The following NR2E1 variants were observed in gnomAD, a reference collection of about 807,000 sequenced individuals.
NR2E1 encodes nuclear receptor TLX.
A neutral mutation model predicts 43.6 loss-of-function variants in NR2E1; 5 were observed. That is an observed-to-expected ratio of 0.11 (90% CI 0.06 to 0.24). The LOEUF is 0.24. NR2E1 is among the 10% of genes least tolerant of loss of function. NR2E1 has a pLI of 1.00. For synonymous variants in NR2E1, 191 were observed against 195.5 expected (o/e 0.98, Z 0.19); for missense variants, 287 against 496.7 (o/e 0.58, Z 4.01).
chr6:108,174,693 C>CG, intron 2 of NR2E1, 143 bp from the exon 3 acceptor site: 1 of 682,372 alleles, frequency 1.5e-6, no homozygotes, highest in Non-Finnish European at 2.6e-6. Context: ...AAGGCCCTCG[C>CG]GTTTTGCAGG....
At position 108,171,652 on chromosome 6, in the gene NR2E1, A is replaced by T. The variant is rs751838676; in HGVS notation, c.171+49A>T. The T allele has an allele frequency of 8.1e-6, 13 of 1,610,172 alleles. No individual in the cohort carries two copies. In the South Asian group the frequency reaches 1.4e-4, roughly 18 times the overall value. The stretch of plus-strand genomic sequence containing the variant: ...CTGGGCTCCGCTCTGCTGCCTCCTC[A>T]CTCTTTTGTTTGTGCCAAGGCCTCC... On this transcript the variant is annotated intron_variant, in intron 2 of 8. Transcript: ENST00000368986.
At chr6:108,183,216 T>C (rs1233839073) in intron 8 of NR2E1, among the ~76,000 whole-genome samples, 7 of 151,760 alleles carry the variant, frequency 4.6e-5, no homozygotes, top group Admixed American at 2.0e-4. Flanking sequence ...AAGTATAGAC[T>C]GGGGGCTGAG....
At chr6:108,185,661 A>G (rs751893823) in intron 8 of NR2E1, among the ~76,000 whole-genome samples, 1 of 152,132 alleles carries the variant, frequency 6.6e-6, no homozygotes, top group Non-Finnish European at 1.5e-5. Context: ...AAGTGCTGGG[A>G]TTACAGGTAT....
chr6:108,185,409 TAC>T lies in NR2E1; in HGVS notation c.996-1870_996-1869del, dbSNP rs3040212. 1.4e-3 allele frequency among the ~76,000 whole-genome samples: 203 copies of T among 146,754 alleles called. 1 individual carries two copies. Among genetic ancestry groups the T allele is most frequent in the Admixed American group, 3.1e-3 (45 of 14,374 alleles). The stretch of plus-strand genomic sequence containing the variant: ...ACACACACACACACGCACACACACA[TAC>T]ACACACACACACACACACACATTGT... On this transcript the variant is annotated intron_variant, in intron 8 of 8. Transcript: ENST00000368986.
At chr6:108,175,395 C>T (rs1014906915) in intron 3 of NR2E1, among the ~76,000 whole-genome samples, 2 of 152,240 alleles carry the variant, frequency 1.3e-5, no homozygotes, top group Non-Finnish European at 2.9e-5. Context: ...GAATTTCCAG[C>T]CCGTGTGCAA....
At position 108,169,355 on chromosome 6, in the gene NR2E1, C is replaced by T. The variant is rs1773766598; in HGVS notation, c.26-2103C>T. On this transcript the variant is annotated intron_variant, in intron 1 of 8. Coordinates refer to ENST00000368986, the MANE Select transcript of NR2E1 (RefSeq NM_003269.5). The surrounding 1 kb of genome is among the most constrained non-coding windows in gnomAD (Gnocchi z 6.1). ...AATCCGAGGAGGGGCCCCCACCCTG[C>T]ACTGGTCTTCCCTCCACCCTCATCG... Among the ~76,000 whole-genome samples, 2 of 152,220 alleles carry T rather than the reference C, an allele frequency of 1.3e-5. No homozygotes were observed. Among genetic ancestry groups the T allele is most frequent in the African/African-American group, 2.4e-5 (1 of 41,458 alleles).
In NR2E1 at chr6:108,169,259, A is replaced by T. The variant is rs1773764939; in HGVS notation, c.26-2199A>T. Among the ~76,000 whole-genome samples, 1 of 152,132 alleles carries T rather than the reference A, an allele frequency of 6.6e-6. No individual in the cohort carries two copies. The highest frequency in any genetic ancestry group is 2.4e-5 in the African/African-American group (1 of 41,436). ...ATCTGCCCCGGGAGCCGCGGCTCAG[A>T]GGTCTGCTCAGAGGCAGGACTCGCA... On this transcript the variant is annotated intron_variant, in intron 1 of 8. Coordinates refer to ENST00000368986, the MANE Select transcript of NR2E1 (RefSeq NM_003269.5). The surrounding 1 kb of genome is among the most constrained non-coding windows in gnomAD (Gnocchi z 6.1).
intron 2 of NR2E1, among the ~76,000 whole-genome samples, chr6:108,174,555 C>A (rs866913823): frequency 8.5e-5 from 13 of 152,222 alleles, no homozygotes; most frequent in Admixed American, 3.3e-4. Flanking sequence ...CCAAACCCGG[C>A]TCTCTAAGCT....
chr6:108,187,254 A>C (rs1310192345), intron 8 of NR2E1, 47 bp from the exon 9 acceptor site: 1 of 1,609,016 alleles, frequency 6.2e-7, no homozygotes, highest in African/African-American at 1.3e-5. Flanking sequence ...GTTAGTTTCC[A>C]TAAGTAATGG....
At chr6:108,176,264 G>T (rs1439351445) in intron 3 of NR2E1, 1 of 587,394 alleles carries the variant, frequency 1.7e-6, no homozygotes, top group East Asian at 2.8e-5. Context: ...TGCCATTATC[G>T]TGGCACTTTG....
intron 8 of NR2E1, 59 bp from the exon 9 acceptor site, chr6:108,187,237 GTAAGA>G: frequency 6.4e-7 from 1 of 1,557,498 alleles, no homozygotes; most frequent in Non-Finnish European, 8.9e-7. Context: ...GTGTTCAAGT[GTAAGA>G]CGTTAGTTTC....
Position 108,166,672 on chromosome 6 carries a change from C to CGGCTGG in NR2E1, c.-94_-93insGGCTGG. 9.4e-7 allele frequency: 1 copy of CGGCTGG among 1,063,134 alleles called. No homozygotes were observed. 65.9% of individuals were successfully genotyped at this position (1,063,134 alleles called of 1,614,324 possible). ...CCCAGGAGCCTTGCAGGCTGGAGGG[C>CGGCTGG]AGCTGGAGAGCGGCGGCGCCCGGCG... On this transcript the variant is annotated 5_prime_UTR_variant, in exon 1 of 9. Transcript: ENST00000368986. This position sits in a 1 kb window ranked among gnomAD's most constrained non-coding sequence, Gnocchi z 7.2.
rs374145429 is a variant in NR2E1, at chr6:108,176,791, C to T, written c.495+53C>T. The T allele has an allele frequency of 8.8e-6, 13 of 1,480,154 alleles. No individual in the cohort carries two copies. The East Asian group carries it at 2.0e-4, about 22-fold the overall frequency. 91.7% of individuals were successfully genotyped at this position (1,480,154 alleles called of 1,614,324 possible). On this transcript the variant is annotated intron_variant, in intron 4 of 8. Transcript: ENST00000368986. ...ACTCGTGCCAGCGAATGGAGAGGGA[C>T]GCACCCAGTTCTTCTGAGCTGTGTG...
In NR2E1 at chr6:108,169,839, C is replaced by T. The variant is rs1007039209; in HGVS notation, c.26-1619C>T. ...GCGCGCCTCCCCTGCCCGCCTTTGTCGCCGTCCGAATTCCCATGCTACTCT... is the reference window on the plus strand; with the variant it reads ...GCGCGCCTCCCCTGCCCGCCTTTGTTGCCGTCCGAATTCCCATGCTACTCT... On this transcript the variant is annotated intron_variant, in intron 1 of 8. Transcript: ENST00000368986. This position sits in a 1 kb window ranked among gnomAD's most constrained non-coding sequence, Gnocchi z 6.1. 6.6e-6 allele frequency among the ~76,000 whole-genome samples: 1 copy of T among 152,136 alleles called. No individual in the cohort carries two copies. Among genetic ancestry groups the T allele is most frequent in the Admixed American group, 6.5e-5 (1 of 15,276 alleles).
chr6:108,167,025 A>T (rs771478549), intron 1 of NR2E1, among the ~76,000 whole-genome samples: 7 of 151,906 alleles, frequency 4.6e-5, no homozygotes, highest in Non-Finnish European at 1.0e-4. Context: ...GTGCGGTGAG[A>T]AGGTTACGAC....
intron 4 of NR2E1, among the ~76,000 whole-genome samples, chr6:108,177,141 A>T (rs1030343820): frequency 6.6e-6 from 1 of 152,168 alleles, no homozygotes; most frequent in Non-Finnish European, 1.5e-5. Context: ...TCATTTTTAG[A>T]GGAGAGGAAT....
At chr6:108,171,372 C>G in intron 1 of NR2E1, 86 bp from the exon 2 acceptor site, 4 of 1,404,586 alleles carry the variant, frequency 2.8e-6, no homozygotes, top group Middle Eastern at 2.1e-4. Flanking sequence ...TAGCATCTCT[C>G]TCTCCCTCTC....
chr6:108,175,018 C>G (rs188821257), intron 3 of NR2E1, 95 bp downstream of exon 3: 1 of 1,166,430 alleles, frequency 8.6e-7, no homozygotes, highest in African/African-American at 1.5e-5. Context: ...GTAAATCAAC[C>G]CCGGAGCGCT....
chr6:108,187,540 C>A lies in NR2E1; in HGVS notation c.*77C>A. 1.3e-6 allele frequency: 2 copies of A among 1,492,188 alleles called. No individual in the cohort carries two copies. Among genetic ancestry groups the A allele is most frequent in the Non-Finnish European group, 1.9e-6 (2 of 1,073,200 alleles). 92.4% of individuals were successfully genotyped at this position (1,492,188 alleles called of 1,614,324 possible). On this transcript the variant is annotated 3_prime_UTR_variant, in exon 9 of 9. Transcript: ENST00000368986. ...CCCATGGAGAACAAGCCTCAACTAA[C>A]AAACCCTTCAGGAAGCATATACCGG...
Sources: gnomAD v4.1 joint callset for allele counts (sites outside exome capture counted in the v4.1 genomes callset) on GRCh38, gnomAD v4.1.1 for gene constraint, Gnocchi (gnomAD v3.1) non-coding constraint, MANE v1.5 for transcripts, NCBI Gene and HGNC (gene_info 2026-07-23, HGNC 2026-07-21) for gene names.